USH2A: variants seen among roughly 807,000 people sequenced by gnomAD.
USH2A encodes the protein usherin.
USH2A carries 443 observed loss-of-function variants against 538.9 expected under a neutral mutation model. That is an observed-to-expected ratio of 0.82 (90% CI 0.76 to 0.89). The LOEUF (loss-of-function observed/expected upper bound fraction) is 0.89. Among genes scored for constraint, USH2A ranks in the 40% least tolerant of loss-of-function variants. USH2A has a pLI of 0.00. For synonymous variants in USH2A, 2,413 were observed against 2,273.5 expected (o/e 1.06, Z -1.75); for missense variants, 6,633 against 6,324.8 (o/e 1.05, Z -1.65).
chr1:216,229,518 T>C (rs569594814), intron 14 of USH2A, among the ~76,000 whole-genome samples: 1 of 152,228 alleles, frequency 6.6e-6, no homozygotes, highest in African/African-American at 2.4e-5. Flanking sequence ...TTTTGCCATG[T>C]TGCCCAGGCT....
At position 216,324,289 on chromosome 1, in the gene USH2A, T is replaced by C; in HGVS notation, c.1207A>G (p.Lys403Glu). Residue 403 changes from lysine (K) to glutamate (E), a missense_variant, in exon 7 of 72, where the codon AAG (lysine) becomes GAG (glutamate). By Grantham distance (56) the Lys-to-Glu change is moderately conservative. Transcript: ENST00000307340. ...QPTEIRIQRK[K>E]ENSLDWEDWQ... ...TCCTCCCAATCTAAACTATTTTCCT[T>C]CTTCCTTTGAATCCTTATTTCCGTT... 1.2e-6 allele frequency: 2 copies of C among 1,613,190 alleles called. No homozygotes were observed. The highest frequency in any genetic ancestry group is 1.7e-6 in the Non-Finnish European group (2 of 1,179,572).
At chr1:215,844,247 T>G (rs1184617076) in intron 46 of USH2A, 47 bp downstream of exon 46, 1 of 1,586,352 alleles carries the variant, frequency 6.3e-7, no homozygotes, top group East Asian at 2.2e-5. Flanking sequence ...TGGCATGTTT[T>G]ATTTAACATA....
intron 13 of USH2A, among the ~76,000 whole-genome samples, chr1:216,240,849 T>C (rs959835964): frequency 4.6e-5 from 7 of 152,124 alleles, no homozygotes; most frequent in Non-Finnish European, 8.8e-5. Context: ...AAATCCCTAG[T>C]ATAGCAGCAA....
chr1:215,814,150 T>A (rs972287211), intron 48 of USH2A, among the ~76,000 whole-genome samples: 1 of 147,748 alleles, frequency 6.8e-6, no homozygotes, highest in Non-Finnish European at 1.5e-5. Context: ...CTATATAATA[T>A]AATATGTATT....
At chr1:216,057,522 AAAAAAAC>A (rs1187946486) in intron 30 of USH2A, among the ~76,000 whole-genome samples, 13 of 152,066 alleles carry the variant, frequency 8.5e-5, no homozygotes, top group African/African-American at 1.9e-4. Context: ...AACAAAAACA[AAAAAAAC>A]AAAAAACAAA....
At position 215,757,818 on chromosome 1, in the gene USH2A, C is replaced by T. The variant is rs80109138; in HGVS notation, c.11389+777G>A. On this transcript the variant is annotated intron_variant, in intron 58 of 71. Coordinates refer to ENST00000307340, the MANE Select transcript of USH2A (RefSeq NM_206933.4). Reference sequence around the variant, plus strand: ...GCTTACAGAGGAAAAATGCAGCTACCATAAGTGGTCACAACCCAAGGTACA... The same window carrying T: ...GCTTACAGAGGAAAAATGCAGCTACTATAAGTGGTCACAACCCAAGGTACA... 9.3e-3 allele frequency among the ~76,000 whole-genome samples: 1,409 copies of T among 152,238 alleles called. 21 individuals are homozygous for T. The highest frequency in any genetic ancestry group is 0.032 in the African/African-American group (1,328 of 41,556).
chr1:216,130,994 T>C (rs891340730), intron 21 of USH2A, among the ~76,000 whole-genome samples: 1 of 152,062 alleles, frequency 6.6e-6, no homozygotes. Context: ...TTTTTGATTA[T>C]GGCCATTCTT....
intron 9 of USH2A, among the ~76,000 whole-genome samples, chr1:216,320,237 G>A (rs1245260616): frequency 3.3e-5 from 5 of 151,940 alleles, no homozygotes; most frequent in East Asian, 1.9e-4. Flanking sequence ...GTTTAGACAC[G>A]GCTGTTTAAA....
intron 47 of USH2A, among the ~76,000 whole-genome samples, chr1:215,836,515 TATAATATATA>T (rs1465521077): frequency 3.0e-5 from 1 of 32,978 alleles, no homozygotes; most frequent in Non-Finnish European, 5.5e-5. Context: ...ATTATATATA[TATAATATATA>T]TTATATATAT....
chr1:216,335,151 T>C (rs894269362), intron 4 of USH2A, among the ~76,000 whole-genome samples: 24 of 151,644 alleles, frequency 1.6e-4, no homozygotes, highest in African/African-American at 5.8e-4. Flanking sequence ...AGAAGCAAAT[T>C]TGTAAAATTA....
At chr1:216,330,849 C>T (rs998195328) in intron 4 of USH2A, among the ~76,000 whole-genome samples, 1 of 151,944 alleles carries the variant, frequency 6.6e-6, no homozygotes, top group Non-Finnish European at 1.5e-5. Context: ...AAAATGTTGG[C>T]AGTCAGACCA....
intron 38 of USH2A, among the ~76,000 whole-genome samples, chr1:215,912,474 T>C (rs796589795): frequency 2.2e-3 from 33 of 15,142 alleles, no homozygotes; most frequent in Middle Eastern, 0.023. Context: ...TATATATATA[T>C]ACGTATATAT....
rs1313137926 is a variant in USH2A at position 215,948,437 on chromosome 1, T to TACAC, written c.7121-13643_7121-13642insGTGT. On this transcript the variant is annotated intron_variant, in intron 37 of 71. Transcript: ENST00000307340. ...TCATATTTGTTCAGATATATATATATATATATACACACACACACACACACA... is the reference window on the plus strand; with the variant it reads ...TCATATTTGTTCAGATATATATATATACACATATATACACACACACACACACACA... 3.4e-3 allele frequency among the ~76,000 whole-genome samples: 505 copies of TACAC among 147,564 alleles called. 3 individuals carry two copies. The highest frequency in any genetic ancestry group is 0.012 in the African/African-American group (485 of 39,752).
In USH2A at chr1:215,672,661, C is replaced by A. The variant is rs183380875; in HGVS notation, c.13812-1368G>T. Among the ~76,000 whole-genome samples the A allele has an allele frequency of 3.5e-4, 53 of 152,252 alleles. 1 individual carries two copies. Among genetic ancestry groups the A allele is most frequent in the African/African-American group, 1.3e-3 (53 of 41,542 alleles). ...TCCCAGACTATTTCTTCTTACTGACCAGCTGGGGGTGCTGAAAGGAGGACA... is the reference window on the plus strand; with the variant it reads ...TCCCAGACTATTTCTTCTTACTGACAAGCTGGGGGTGCTGAAAGGAGGACA... On this transcript the variant is annotated intron_variant, in intron 63 of 71. Coordinates refer to ENST00000307340, the MANE Select transcript of USH2A (RefSeq NM_206933.4).
At position 215,998,952 on chromosome 1, in the gene USH2A, CT is replaced by C; in HGVS notation, c.6591del (p.Glu2198AsnfsTer31). ...TGTAGCATATGATCCTGGAAAAGTTCTGTACTGTTATAGATGACACTCCAAA... is the reference window on the plus strand; with the variant it reads ...TGTAGCATATGATCCTGGAAAAGTTCGTACTGTTATAGATGACACTCCAAA... The part of the protein sequence containing the change: ...FTIWSVIYNS[T>X]ELFQDHMLQY... On this transcript the variant is annotated frameshift_variant, in exon 34 of 72. Coordinates refer to ENST00000307340, the MANE Select transcript of USH2A (RefSeq NM_206933.4). LOFTEE classifies it high-confidence loss of function. 6.2e-7 allele frequency: 1 copy of C among 1,613,242 alleles called. No individual in the cohort carries two copies. The highest frequency in any genetic ancestry group is 8.5e-7 in the Non-Finnish European group (1 of 1,179,520).
chr1:216,140,779 C>T (rs546371656), intron 21 of USH2A, among the ~76,000 whole-genome samples: 2 of 152,242 alleles, frequency 1.3e-5, no homozygotes, highest in South Asian at 4.1e-4. Context: ...CAGGCAATTG[C>T]CCTAAGGTAA....
chr1:216,105,971 C>T (rs549241804), intron 21 of USH2A, among the ~76,000 whole-genome samples: 199 of 151,580 alleles, frequency 1.3e-3, no homozygotes, highest in African/African-American at 4.7e-3. Context: ...TTAGTTTTAA[C>T]ACTTTTTCAA....
Position 216,281,846 on chromosome 1 carries a change from C to T in USH2A, c.1971+7434G>A, listed in dbSNP as rs375470641. Among the ~76,000 whole-genome samples the T allele has an allele frequency of 2.3e-4, 35 of 149,138 alleles. 3 individuals carry two copies. The highest frequency in any genetic ancestry group is 8.6e-4 in the African/African-American group (35 of 40,696). The stretch of plus-strand genomic sequence containing the variant: ...AGACTCCAATTTCTCCACATCCTCA[C>T]CAAATTTTGTTTTTGTCTGTTTTTT... On this transcript the variant is annotated intron_variant, in intron 11 of 71. Coordinates refer to ENST00000307340, the MANE Select transcript of USH2A (RefSeq NM_206933.4).
At chr1:216,412,789 C>T (rs1353202680) in intron 3 of USH2A, among the ~76,000 whole-genome samples, 2 of 151,474 alleles carry the variant, frequency 1.3e-5, no homozygotes, top group African/African-American at 4.8e-5. Context: ...CAAGTTATTA[C>T]TTTTAGTTTA....
Sources: gnomAD v4.1 joint callset for allele counts (sites outside exome capture counted in the v4.1 genomes callset) on GRCh38, gnomAD v4.1.1 for gene constraint, MANE v1.5 for transcripts, NCBI Gene and HGNC (gene_info 2026-07-23, HGNC 2026-07-21) for gene names.